RARB: variants seen among roughly 807,000 people sequenced by gnomAD.
RARB encodes the protein retinoic acid receptor beta.
In RARB, 17 loss-of-function variants were observed where a neutral mutation model predicts 51.9. That is an observed-to-expected ratio of 0.33 (90% confidence interval 0.22 to 0.49). The LOEUF is 0.49. Ranked by LOEUF, RARB falls within the 20% of genes least tolerant of loss-of-function variation. The probability of loss-of-function intolerance (pLI) is 0.99; values close to 1 mark genes in which losing one functional copy is unlikely to be tolerated. For missense variants in RARB, 369 were observed against 550.8 expected, an observed-to-expected ratio of 0.67 and a Z score of 3.30; for synonymous variants, 215 against 195.4, an observed-to-expected ratio of 1.10 and a Z score of -0.84.
chr3:25,145,936 A>T (rs1700181677), intron 4 of RARB, among the ~76,000 whole-genome samples: 2 of 152,032 alleles, frequency 1.3e-5, no homozygotes, highest in Admixed American at 1.3e-4. Context: ...CAGGAGACAG[A>T]GGTTGCAGTG....
intron 2 of RARB, among the ~76,000 whole-genome samples, chr3:25,469,858 G>C (rs527636731): frequency 1.2e-4 from 18 of 152,306 alleles, no homozygotes; most frequent in African/African-American, 3.4e-4. Flanking sequence ...TGTGGTAAAA[G>C]GATTTAAATT....
chr3:25,004,076 T>C (rs922071452), intron 2 of RARB, among the ~76,000 whole-genome samples: 4 of 152,150 alleles, frequency 2.6e-5, no homozygotes, highest in South Asian at 2.1e-4. Context: ...AGTTCCTTTA[T>C]GTGGAGCTTC....
rs894781738 is a variant in RARB at position 24,869,601 on chromosome 3, T to A, written c.-380+10849T>A. ...ATCATATTGTAAATTGACAGTTGTA[T>A]GAATTTCTTTTCATTATTCTTTGGA... On this transcript the variant is annotated intron_variant, in intron 2 of 11. Coordinates refer to the RARB transcript ENST00000383772. Among the ~76,000 whole-genome samples the A allele has an allele frequency of 1.2e-4, 19 of 152,280 alleles. 1 individual carries two copies. The highest frequency in any genetic ancestry group is 4.6e-4 in the African/African-American group (19 of 41,588).
chr3:25,202,413 G>C (rs1411919526), intron 5 of RARB, among the ~76,000 whole-genome samples: 2 of 151,952 alleles, frequency 1.3e-5, no homozygotes, highest in Non-Finnish European at 2.9e-5. Flanking sequence ...TTTTTTGAAG[G>C]GTTTTTTGTG....
intron 1 of RARB, among the ~76,000 whole-genome samples, chr3:24,848,873 T>A (rs1247471783): frequency 6.6e-5 from 10 of 152,236 alleles, no homozygotes; most frequent in Non-Finnish European, 1.3e-4. Flanking sequence ...TGTCTATGCC[T>A]TATGGCCACC....
At chr3:25,214,253 G>C (rs532984279) in intron 5 of RARB, among the ~76,000 whole-genome samples, 1 of 152,152 alleles carries the variant, frequency 6.6e-6, no homozygotes, top group African/African-American at 2.4e-5. Context: ...ACTTCAAAGG[G>C]AGAGGCTCTG....
At chr3:25,029,493 G>C (rs946832331) in intron 2 of RARB, among the ~76,000 whole-genome samples, 4 of 152,200 alleles carry the variant, frequency 2.6e-5, no homozygotes, top group African/African-American at 9.6e-5. Context: ...CAAGTGGAAA[G>C]TATTTCCCAG....
At chr3:25,545,103 C>T (rs562457082) in intron 3 of RARB, among the ~76,000 whole-genome samples, 2 of 152,130 alleles carry the variant, frequency 1.3e-5, no homozygotes, top group East Asian at 3.9e-4. Flanking sequence ...CCACCACACC[C>T]AGCTAATGTT....
chr3:25,361,054 A>T (rs1575341944), intron 5 of RARB, among the ~76,000 whole-genome samples: 1 of 152,134 alleles, frequency 6.6e-6, no homozygotes, highest in Non-Finnish European at 1.5e-5. Context: ...GTTCTCCTGG[A>T]TAATATCCTG....
chr3:25,582,626 C>A (rs1472606071), intron 5 of RARB, among the ~76,000 whole-genome samples: 1 of 152,030 alleles, frequency 6.6e-6, no homozygotes, highest in Non-Finnish European at 1.5e-5. Flanking sequence ...AGGGTGCAGT[C>A]TCCACAAGAT....
At chr3:24,908,730 A>C (rs1694926913) in intron 2 of RARB, among the ~76,000 whole-genome samples, 1 of 134,114 alleles carries the variant, frequency 7.5e-6, no homozygotes, top group East Asian at 2.3e-4. Flanking sequence ...AGGTCTAGGG[A>C]GATATTAATG....
intron 2 of RARB, among the ~76,000 whole-genome samples, chr3:24,893,623 T>C (rs749681961): frequency 1.3e-5 from 2 of 152,144 alleles, no homozygotes; most frequent in Non-Finnish European, 2.9e-5. Flanking sequence ...GCACAAGTGA[T>C]CCTCCTGTCT....
At chr3:24,976,557 A>G (rs1282243455) in intron 2 of RARB, among the ~76,000 whole-genome samples, 1 of 152,028 alleles carries the variant, frequency 6.6e-6, no homozygotes, top group Non-Finnish European at 1.5e-5. Flanking sequence ...TGTTGGCTGC[A>G]TATATGTCTT....
intron 3 of RARB, among the ~76,000 whole-genome samples, chr3:25,119,752 T>C (rs988498354): frequency 1.3e-5 from 2 of 152,104 alleles, no homozygotes; most frequent in African/African-American, 4.8e-5. Context: ...TGTTCAGGTA[T>C]AGCAAATGGC....
At chr3:25,555,128 GTGAA>G (rs146848147) in intron 3 of RARB, among the ~76,000 whole-genome samples, 1 of 152,114 alleles carries the variant, frequency 6.6e-6, no homozygotes, top group Non-Finnish European at 1.5e-5. Context: ...AATAAAATTA[GTGAA>G]TGAATGAATG....
intron 2 of RARB, among the ~76,000 whole-genome samples, chr3:24,888,109 C>A (rs369881767): frequency 2.3e-4 from 35 of 152,282 alleles, no homozygotes; most frequent in African/African-American, 8.2e-4. Flanking sequence ...AAAAAACCTA[C>A]ACTTGCTACA....
intron 5 of RARB, among the ~76,000 whole-genome samples, chr3:25,275,354 G>A (rs1397839599): frequency 1.6e-4 from 24 of 152,232 alleles, no homozygotes; most frequent in African/African-American, 4.6e-4. Context: ...CCAGCTACTC[G>A]GGAGGCTGAG....
chr3:24,980,030 C>G (rs1696608569), intron 2 of RARB, among the ~76,000 whole-genome samples: 1 of 152,162 alleles, frequency 6.6e-6, no homozygotes, highest in African/African-American at 2.4e-5. Flanking sequence ...ACTTATGAAG[C>G]TTAGTTTGGC....
intron 2 of RARB, among the ~76,000 whole-genome samples, chr3:25,029,492 A>G (rs571378850): frequency 5.3e-5 from 8 of 152,358 alleles, no homozygotes; most frequent in East Asian, 1.9e-4. Context: ...CCAAGTGGAA[A>G]GTATTTCCCA....
Sources: gnomAD v4.1 joint callset for allele counts (sites outside exome capture counted in the v4.1 genomes callset) on GRCh38, gnomAD v4.1.1 for gene constraint, MANE v1.5 for transcripts, NCBI Gene and HGNC (gene_info 2026-07-23, HGNC 2026-07-21) for gene names.